The following CDH1 variants were observed in gnomAD, a reference collection of about 807,000 sequenced individuals.
CDH1 encodes cadherin-1.
CDH1 carries 35 observed loss-of-function variants against 84.5 expected under a neutral mutation model. The ratio of observed to expected loss-of-function variants is 0.41; its 90% CI spans 0.32 to 0.55. The LOEUF (loss-of-function observed/expected upper bound fraction) is 0.55. CDH1 is among the 20% of genes least tolerant of loss of function. The pLI, the probability that CDH1 is intolerant of heterozygous loss-of-function variation, is 0.19. For missense variants in CDH1, 994 were observed against 1,126.6 expected, an observed-to-expected ratio of 0.88 and a Z score of 1.68; for synonymous variants, 417 against 439.0, an observed-to-expected ratio of 0.95 and a Z score of 0.63.
At position 68,801,761 on chromosome 16, in the gene CDH1, C is replaced by G; in HGVS notation, c.255C>G (p.Val85=). The change falls in exon 3 of 16, where the codon GTC becomes GTG. Residue 85 remains valine (V), a synonymous_variant. Coordinates refer to ENST00000261769, the MANE Select transcript of CDH1 (RefSeq NM_004360.5). ...TGGGCACAGATGGTGTGATTACAGT[C>G]AAAAGGCCTCTACGGTTTCATAACC... ...FKVGTDGVIT[V]KRPLRFHNPQ... is the part of the protein sequence containing the mutation. The G allele has an allele frequency of 6.2e-7, 1 of 1,614,140 alleles. No homozygotes were observed. The highest frequency in any genetic ancestry group is 8.5e-7 in the Non-Finnish European group (1 of 1,179,990).
chr16:68,778,918 C>T (rs1268226234), intron 2 of CDH1, among the ~76,000 whole-genome samples: 1 of 152,086 alleles, frequency 6.6e-6, no homozygotes, highest in African/African-American at 2.4e-5. Flanking sequence ...GGTGTGTGCC[C>T]TCTCATGTCA....
intron 2 of CDH1, among the ~76,000 whole-genome samples, chr16:68,794,233 G>C (rs1960293032): frequency 6.6e-6 from 1 of 151,906 alleles, no homozygotes; most frequent in Admixed American, 6.6e-5. Flanking sequence ...TAGAGACACG[G>C]TCTTGCTATA....
At chr16:68,777,682 A>G (rs1487890112) in intron 2 of CDH1, among the ~76,000 whole-genome samples, 9 of 151,762 alleles carry the variant, frequency 5.9e-5, no homozygotes, top group African/African-American at 2.2e-4. Context: ...TGGCTTGACT[A>G]TAGGCATGCA....
In CDH1 at chr16:68,737,559, C is replaced by T. The variant is rs983829675; in HGVS notation, c.48+96C>T. On this transcript the variant is annotated intron_variant, in intron 1 of 15. Transcript: ENST00000261769. ...TTCCTCTCCCGTCGTCACCGCTTCCCTTCTTCCAAGAAAGTTCGGGTCCTG... is the reference window on the plus strand; with the variant it reads ...TTCCTCTCCCGTCGTCACCGCTTCCTTTCTTCCAAGAAAGTTCGGGTCCTG... 3.6e-6 allele frequency: 4 copies of T among 1,095,930 alleles called. No homozygotes were observed. In the East Asian group the frequency reaches 7.8e-5, roughly 21 times the overall value. The allele number at this position is 1,095,930 out of a possible 1,614,324, so 67.9% of individuals were successfully genotyped here. A position where few individuals can be genotyped will look rare whatever the true frequency, so the allele number is the denominator to read the frequency against.
intron 6 of CDH1, 75 bp downstream of exon 6, chr16:68,810,416 C>A (rs1487835475): frequency 1.4e-6 from 2 of 1,445,324 alleles, no homozygotes; most frequent in South Asian, 1.1e-5. Context: ...TTGTCCAAGC[C>A]CAAAGGTTGT....
chr16:68,822,281 C>T (rs2152138721), intron 12 of CDH1, 56 bp downstream of exon 12: 1 of 1,121,866 alleles, frequency 8.9e-7, no homozygotes, highest in Admixed American at 1.7e-5. Context: ...GCTTCCCTTC[C>T]CCCAGATCCC....
intron 8 of CDH1, among the ~76,000 whole-genome samples, chr16:68,812,495 A>G (rs144905196): frequency 2.2e-4 from 33 of 152,348 alleles, no homozygotes; most frequent in African/African-American, 7.9e-4. Context: ...AAAAGCACCT[A>G]CTGATTTCAT....
intron 2 of CDH1, among the ~76,000 whole-genome samples, chr16:68,789,577 C>G (rs1305367316): frequency 6.6e-6 from 1 of 151,758 alleles, no homozygotes; most frequent in Non-Finnish European, 1.5e-5. Context: ...TATATTACAC[C>G]ATTTAAAGTG....
chr16:68,747,655 G>C (rs905502636), intron 2 of CDH1, among the ~76,000 whole-genome samples: 2 of 152,092 alleles, frequency 1.3e-5, no homozygotes, highest in Admixed American at 6.6e-5. Flanking sequence ...CTTTATGCCA[G>C]CGTAAATTCC....
chr16:68,813,860 A>T (rs748393673), intron 9 of CDH1, among the ~76,000 whole-genome samples: 45 of 151,534 alleles, frequency 3.0e-4, no homozygotes, highest in Non-Finnish European at 5.0e-4. Context: ...TGAACCTGGG[A>T]GGTGGAGGTT....
chr16:68,738,162 C>G (rs911092952), intron 1 of CDH1, 135 bp from the exon 2 acceptor site: 10 of 623,548 alleles, frequency 1.6e-5, no homozygotes, highest in Non-Finnish European at 2.2e-5. Context: ...GCTGCCCGCC[C>G]GTCCCGGGGC....
intron 2 of CDH1, among the ~76,000 whole-genome samples, chr16:68,789,507 G>A (rs913727431): frequency 9.9e-5 from 15 of 151,892 alleles, no homozygotes; most frequent in African/African-American, 3.6e-4. Context: ...TACTTTGTGC[G>A]ATTGGCTCAT....
At chr16:68,827,305 A>ATG (rs1242548570) in intron 13 of CDH1, among the ~76,000 whole-genome samples, 1 of 151,992 alleles carries the variant, frequency 6.6e-6, no homozygotes, top group Non-Finnish European at 1.5e-5. Context: ...AATAAAGATT[A>ATG]TGCTTCATAG....
chr16:68,766,132 G>A lies in CDH1; in HGVS notation c.163+27721G>A, dbSNP rs4783675. 2.9e-3 allele frequency among the ~76,000 whole-genome samples: 441 copies of A among 151,896 alleles called. 2 individuals carry two copies. Among genetic ancestry groups the A allele is most frequent in the African/African-American group, 1.0e-2 (412 of 41,404 alleles). On this transcript the variant is annotated intron_variant, in intron 2 of 15. Transcript: ENST00000261769. ...AAATTAGCCGGGTGTGGTGGTGCGC[G>A]CCTGTAGTCCCAGCTACTTGGGAGG...
intron 3 of CDH1, among the ~76,000 whole-genome samples, chr16:68,805,083 C>T (rs1960623297): frequency 7.2e-6 from 1 of 139,666 alleles, no homozygotes; most frequent in South Asian, 2.2e-4. Context: ...AAGAATAGAT[C>T]TTAGTCTCTA....
intron 9 of CDH1, chr16:68,814,210 G>A (rs62055770): frequency 0.025 from 3,864 of 154,964 alleles, 71 homozygotes; most frequent in South Asian, 0.053. Flanking sequence ...ACTCCAGCCC[G>A]GCAACAGAGT....
intron 7 of CDH1, 125 bp downstream of exon 7, chr16:68,811,984 T>C: frequency 1.4e-6 from 2 of 1,406,124 alleles, no homozygotes; most frequent in South Asian, 2.3e-5. Flanking sequence ...GCTTTGCATC[T>C]AAGCTTGTGC....
chr16:68,759,011 G>T (rs1184151929), intron 2 of CDH1, among the ~76,000 whole-genome samples: 3 of 152,090 alleles, frequency 2.0e-5, no homozygotes, highest in African/African-American at 7.2e-5. Flanking sequence ...GGTCAGGCTG[G>T]TCTCAAACTC....
chr16:68,828,994 G>A (rs1006307882), intron 14 of CDH1, among the ~76,000 whole-genome samples: 11 of 152,054 alleles, frequency 7.2e-5, no homozygotes, highest in Admixed American at 7.2e-4. Flanking sequence ...TCTAGTTTGG[G>A]GATACCACGT....
Sources: gnomAD v4.1 joint callset for allele counts (sites outside exome capture counted in the v4.1 genomes callset) on GRCh38, gnomAD v4.1.1 for gene constraint, MANE v1.5 for transcripts, NCBI Gene and HGNC (gene_info 2026-07-23, HGNC 2026-07-21) for gene names.